SLC25A21: variants seen among roughly 807,000 people sequenced by gnomAD.
The protein encoded by SLC25A21 is mitochondrial 2-oxodicarboxylate carrier.
Under a neutral mutation model 43.8 loss-of-function variants are expected in SLC25A21, and 47 were observed. The ratio of observed to expected loss-of-function variants is 1.07; its 90% CI spans 0.85 to 1.37. The LOEUF (loss-of-function observed/expected upper bound fraction) is 1.37, where lower values mean the gene tolerates loss of function less well. Among genes scored for constraint, SLC25A21 ranks in the 40% most tolerant of loss-of-function variants. The pLI is 0.00. For synonymous variants in SLC25A21, 131 were observed against 121.3 expected (o/e 1.08, Z -0.52); for missense variants, 352 against 350.2 (o/e 1.00, Z -0.04).
intron 3 of SLC25A21, among the ~76,000 whole-genome samples, chr14:36,748,198 TG>T (rs1885571440): frequency 6.6e-6 from 1 of 152,218 alleles, no homozygotes; most frequent in Non-Finnish European, 1.5e-5. Flanking sequence ...TCAAGTCCAC[TG>T]GGGAATTTCA....
intron 1 of SLC25A21, among the ~76,000 whole-genome samples, chr14:36,966,526 G>A (rs1333620026): frequency 6.6e-6 from 1 of 152,078 alleles, no homozygotes; most frequent in Non-Finnish European, 1.5e-5. Flanking sequence ...TCAGCATCAC[G>A]ATCTTATCAT....
chr14:36,823,220 A>C (rs1367074453), intron 2 of SLC25A21, among the ~76,000 whole-genome samples: 2 of 152,178 alleles, frequency 1.3e-5, no homozygotes, highest in Non-Finnish European at 2.9e-5. Context: ...AGAGATTACA[A>C]CCTAAATCTA....
intron 3 of SLC25A21, among the ~76,000 whole-genome samples, chr14:36,800,753 C>T (rs1749932): frequency 0.42 from 63,626 of 151,812 alleles, 13,798 homozygotes; most frequent in East Asian, 0.69. Flanking sequence ...GTATATTTTA[C>T]CCAAGTAAAA....
intron 7 of SLC25A21, among the ~76,000 whole-genome samples, chr14:36,694,655 T>C (rs1882939584): frequency 1.3e-5 from 2 of 152,384 alleles, no homozygotes; most frequent in Middle Eastern, 3.4e-3. Context: ...ATTTCTCTGA[T>C]GACCAGTGAT....
intron 1 of SLC25A21, among the ~76,000 whole-genome samples, chr14:37,073,835 T>A (rs747894932): frequency 6.6e-6 from 1 of 152,198 alleles, no homozygotes; most frequent in Non-Finnish European, 1.5e-5. Flanking sequence ...CCACTGCTCC[T>A]TGATTGATCA....
chr14:36,885,799 T>C (rs764148088), intron 1 of SLC25A21, among the ~76,000 whole-genome samples: 5 of 152,168 alleles, frequency 3.3e-5, no homozygotes, highest in Non-Finnish European at 5.9e-5. Flanking sequence ...AGACCAACAA[T>C]TGGAGCATTC....
At chr14:36,698,763 A>T (rs1406536181) in intron 7 of SLC25A21, among the ~76,000 whole-genome samples, 1 of 152,120 alleles carries the variant, frequency 6.6e-6, no homozygotes, top group Non-Finnish European at 1.5e-5. Context: ...TTTCAGCTGC[A>T]TCAGGTCATT....
At chr14:37,167,903 C>G (rs962950655) in intron 1 of SLC25A21, among the ~76,000 whole-genome samples, 1 of 152,060 alleles carries the variant, frequency 6.6e-6, no homozygotes, top group East Asian at 1.9e-4. Context: ...CCGCTCCCCC[C>G]ACCCCCTAAT....
At chr14:36,727,426 G>A (rs948398491) in intron 5 of SLC25A21, among the ~76,000 whole-genome samples, 1 of 152,224 alleles carries the variant, frequency 6.6e-6, no homozygotes, top group Non-Finnish European at 1.5e-5. Context: ...AATGGCTCAC[G>A]CCTGTAATCC....
chr14:37,040,139 G>T (rs1241450428), intron 1 of SLC25A21, among the ~76,000 whole-genome samples: 4 of 150,046 alleles, frequency 2.7e-5, no homozygotes, highest in Non-Finnish European at 5.9e-5. Flanking sequence ...GGTGGAAGTT[G>T]CAGTGAACCA....
At chr14:36,946,625 T>TTTTCTTCCCTAAATAA (rs1234655375) in intron 1 of SLC25A21, among the ~76,000 whole-genome samples, 1 of 152,138 alleles carries the variant, frequency 6.6e-6, no homozygotes, top group African/African-American at 2.4e-5. Context: ...TAGGTGAAAC[T>TTTTCTTCCCTAAATAA]TTTCTTCCCT....
At chr14:36,754,994 T>C (rs1395151006) in intron 3 of SLC25A21, among the ~76,000 whole-genome samples, 1 of 152,112 alleles carries the variant, frequency 6.6e-6, no homozygotes, top group Non-Finnish European at 1.5e-5. Flanking sequence ...TGATGAAAAC[T>C]GTAAATGCTC....
In SLC25A21 at chr14:37,039,912, G is replaced by A. The variant is rs183418226; in HGVS notation, c.70+132369C>T. Among the ~76,000 whole-genome samples, 40 of 152,126 alleles carry A rather than the reference G, an allele frequency of 2.6e-4. No individual in the cohort carries two copies. The East Asian group carries it at 6.8e-3, about 26-fold the overall frequency. ...TGGATGAGTTGAAAGTAGTTACAGG[G>A]GGCTGGGCGCTGTGGCTCACGCCTG... On this transcript the variant is annotated intron_variant, in intron 1 of 9. Transcript: ENST00000331299.
chr14:36,767,400 C>T (rs1350958199), intron 3 of SLC25A21, among the ~76,000 whole-genome samples: 1 of 152,216 alleles, frequency 6.6e-6, no homozygotes, highest in African/African-American at 2.4e-5. Flanking sequence ...GCTGCATGTG[C>T]ACCATGTAAA....
Position 36,680,255 on chromosome 14 carries a change from T to A in SLC25A21, c.*403A>T, listed in dbSNP as rs1223748167. On this transcript the variant is annotated 3_prime_UTR_variant, in exon 10 of 10. Coordinates refer to ENST00000331299, the MANE Select transcript of SLC25A21 (RefSeq NM_030631.4). Reference sequence around the variant, plus strand: ...ACTTTTTTTTAATCCAGTCTTTGAATAATTTGATTTATTTTCAATAGTTTA... The same window carrying A: ...ACTTTTTTTTAATCCAGTCTTTGAAAAATTTGATTTATTTTCAATAGTTTA... 18 of 949,876 alleles carry A rather than the reference T, an allele frequency of 1.9e-5. No individual in the cohort carries two copies. Among genetic ancestry groups the A allele is most frequent in the Non-Finnish European group, 2.3e-5 (18 of 798,062 alleles). The allele number at this position is 949,876 out of a possible 1,614,324, so 58.8% of individuals were successfully genotyped here.
At chr14:36,817,520 T>G (rs1013148955) in intron 2 of SLC25A21, among the ~76,000 whole-genome samples, 1 of 152,190 alleles carries the variant, frequency 6.6e-6, no homozygotes, top group African/African-American at 2.4e-5. Flanking sequence ...CTCTGCTTGC[T>G]GCAGGCACTT....
chr14:37,088,984 A>G (rs1962534143), intron 1 of SLC25A21, among the ~76,000 whole-genome samples: 1 of 152,208 alleles, frequency 6.6e-6, no homozygotes, highest in Non-Finnish European at 1.5e-5. Context: ...ACTTTTTAAA[A>G]GCCATGACAT....
intron 1 of SLC25A21, among the ~76,000 whole-genome samples, chr14:36,881,393 T>C (rs1303091809): frequency 6.6e-6 from 1 of 152,168 alleles, no homozygotes; most frequent in African/African-American, 2.4e-5. Context: ...TTCTTAAAAC[T>C]GTCACCAACT....
chr14:36,704,964 A>T (rs1277925792), intron 7 of SLC25A21, among the ~76,000 whole-genome samples: 1 of 152,216 alleles, frequency 6.6e-6, no homozygotes, highest in African/African-American at 2.4e-5. Context: ...GTGATAACTT[A>T]AAAAATATAT....
Sources: allele counts gnomAD v4.1 joint callset (sites outside exome capture counted in the v4.1 genomes callset), GRCh38; gene constraint gnomAD v4.1.1; transcripts MANE v1.5; gene names NCBI Gene and HGNC (gene_info 2026-07-23, HGNC 2026-07-21).